Variants in RAPGEF2 observed in about 807,000 individuals in gnomAD.
RAPGEF2 encodes the protein Rap guanine nucleotide exchange factor 2.
RAPGEF2 carries 54 observed loss-of-function variants against 186.7 expected under a neutral mutation model. The ratio of observed to expected loss-of-function variants is 0.29; its 90% CI spans 0.23 to 0.36. The LOEUF (loss-of-function observed/expected upper bound fraction) is 0.36. Among genes scored for constraint, RAPGEF2 ranks in the 10% least tolerant of loss-of-function variants. The pLI, the probability that RAPGEF2 is intolerant of heterozygous loss-of-function variation, is 1.00. For synonymous variants in RAPGEF2, 712 were observed against 705.9 expected (o/e 1.01, Z -0.14); for missense variants, 1,532 against 2,045.0 (o/e 0.75, Z 4.84).
chr4:159,312,645 A>G (rs773973599), intron 8 of RAPGEF2, among the ~76,000 whole-genome samples: 1 of 152,188 alleles, frequency 6.6e-6, no homozygotes, highest in Non-Finnish European at 1.5e-5. Flanking sequence ...ACTTTCATAA[A>G]CATTAGGTTT....
In RAPGEF2 at chr4:159,110,978, A is replaced by G. The variant is rs560154047; in HGVS notation, c.69+6747A>G. Among the ~76,000 whole-genome samples, 5 of 151,938 alleles carry G rather than the reference A, an allele frequency of 3.3e-5. No individual in the cohort carries two copies. In the East Asian group the frequency reaches 9.7e-4, roughly 29 times the overall value. The stretch of plus-strand genomic sequence containing the variant: ...TCATTGTAGGAAGAAAAATAAGTTT[A>G]TTGCCGCATTATTTTGACTTCTAGA... On this transcript the variant is annotated intron_variant, in intron 1 of 29. Coordinates refer to ENST00000691494, the MANE Select transcript of RAPGEF2 (RefSeq NM_001394067.2).
chr4:159,189,394 C>T (rs541374711), intron 2 of RAPGEF2, among the ~76,000 whole-genome samples: 1 of 152,290 alleles, frequency 6.6e-6, no homozygotes, highest in South Asian at 2.1e-4. Flanking sequence ...TATGTTTCTT[C>T]ATCATTTTAA....
chr4:159,256,571 G>A (rs779918860), intron 7 of RAPGEF2, among the ~76,000 whole-genome samples: 24 of 152,190 alleles, frequency 1.6e-4, no homozygotes, highest in Non-Finnish European at 2.6e-4. Flanking sequence ...CCAGTAATGG[G>A]ATTGCTGGGT....
intron 16 of RAPGEF2, among the ~76,000 whole-genome samples, 156 bp downstream of exon 16, chr4:159,332,190 A>T (rs1766770121): frequency 6.6e-6 from 1 of 152,098 alleles, no homozygotes; most frequent in Non-Finnish European, 1.5e-5. Context: ...GTCTTTATTG[A>T]TAACTGAAAT....
chr4:159,238,689 G>A lies in RAPGEF2; in HGVS notation c.282-120G>A, dbSNP rs564723322. On this transcript the variant is annotated intron_variant, in intron 4 of 29. Coordinates refer to ENST00000691494, the MANE Select transcript of RAPGEF2 (RefSeq NM_001394067.2). ...TTAAAGATAATTCACTTTCTCCAAT[G>A]TGTACTTTTTGTAATTGTTTTTAAT... is the stretch of plus-strand genomic sequence containing the variant. 28 of 565,986 alleles carry A rather than the reference G, an allele frequency of 4.9e-5. 1 individual carries two copies. The highest frequency in any genetic ancestry group is 4.6e-4 in the African/African-American group (24 of 52,738). The allele number at this position is 565,986 out of a possible 1,614,324, so 35.1% of individuals were successfully genotyped here.
At chr4:159,309,238 C>T (rs1212743600) in intron 8 of RAPGEF2, among the ~76,000 whole-genome samples, 1 of 152,126 alleles carries the variant, frequency 6.6e-6, no homozygotes, top group Non-Finnish European at 1.5e-5. Context: ...CAGAGTTGTT[C>T]CTTTATAATC....
intron 7 of RAPGEF2, among the ~76,000 whole-genome samples, chr4:159,296,971 ATTAT>A (rs1264442297): frequency 1.3e-5 from 2 of 149,122 alleles, no homozygotes; most frequent in African/African-American, 2.5e-5. Flanking sequence ...ACTAATATTG[ATTAT>A]TTATTTTCCT....
intron 1 of RAPGEF2, among the ~76,000 whole-genome samples, chr4:159,166,928 G>A (rs1460480826): frequency 4.6e-5 from 7 of 152,190 alleles, no homozygotes; most frequent in Non-Finnish European, 1.0e-4. Flanking sequence ...TGATGTGCCT[G>A]TGTAACACAG....
intron 11 of RAPGEF2, 79 bp from the exon 12 acceptor site, chr4:159,329,779 T>C (rs1240361844): frequency 1.6e-6 from 2 of 1,222,782 alleles, no homozygotes; most frequent in East Asian, 4.8e-5. Context: ...TTTTAAATAA[T>C]TAAAACACTG....
chr4:159,164,136 C>T (rs1203974238), intron 1 of RAPGEF2, among the ~76,000 whole-genome samples: 1 of 151,962 alleles, frequency 6.6e-6, no homozygotes, highest in Non-Finnish European at 1.5e-5. Flanking sequence ...TCCTGAGTAG[C>T]TGGGACTACA....
chr4:159,338,551 T>C, intron 18 of RAPGEF2, 83 bp downstream of exon 18: 1 of 1,346,360 alleles, frequency 7.4e-7, no homozygotes. Context: ...TGTATCTCTC[T>C]TCATTTGGCA....
intron 1 of RAPGEF2, among the ~76,000 whole-genome samples, chr4:159,182,282 C>G (rs1212337440): frequency 6.6e-6 from 1 of 150,378 alleles, no homozygotes; most frequent in Non-Finnish European, 1.5e-5. Flanking sequence ...ATTGGAATGA[C>G]TTAAAATTAT....
At chr4:159,226,704 T>G (rs748312992) in intron 4 of RAPGEF2, among the ~76,000 whole-genome samples, 1 of 152,204 alleles carries the variant, frequency 6.6e-6, no homozygotes, top group Non-Finnish European at 1.5e-5. Context: ...TTCATTGTAT[T>G]TATTCCTCAG....
intron 7 of RAPGEF2, among the ~76,000 whole-genome samples, chr4:159,270,983 C>G (rs1270747441): frequency 1.3e-5 from 2 of 152,120 alleles, no homozygotes; most frequent in Non-Finnish European, 2.9e-5. Context: ...GAGGAGGTTG[C>G]TAACATTTCA....
At chr4:159,224,299 A>G (rs1302664308) in intron 4 of RAPGEF2, among the ~76,000 whole-genome samples, 1 of 152,234 alleles carries the variant, frequency 6.6e-6, no homozygotes. Context: ...TATCTATGTC[A>G]GAACATAAAG....
intron 7 of RAPGEF2, among the ~76,000 whole-genome samples, chr4:159,300,927 A>T (rs1391871450): frequency 6.6e-6 from 1 of 152,116 alleles, no homozygotes; most frequent in Non-Finnish European, 1.5e-5. Context: ...GCCTCCTAGA[A>T]ACTCCATTTT....
chr4:159,345,761 A>G (rs1488802905), intron 24 of RAPGEF2, among the ~76,000 whole-genome samples: 1 of 152,072 alleles, frequency 6.6e-6, no homozygotes, highest in Non-Finnish European at 1.5e-5. Context: ...CCGAACAACA[A>G]ATTCAGCTAC....
intron 7 of RAPGEF2, among the ~76,000 whole-genome samples, chr4:159,268,579 G>A (rs1419001903): frequency 1.3e-5 from 2 of 152,098 alleles, no homozygotes; most frequent in Non-Finnish European, 2.9e-5. Context: ...AAAGGTTATT[G>A]AGAACGGGAA....
rs138692217 is a variant in RAPGEF2 at position 159,195,012 on chromosome 4, A to G, written c.197+1756A>G. Among the ~76,000 whole-genome samples, 550 of 152,344 alleles carry G rather than the reference A, an allele frequency of 3.6e-3. 3 individuals carry two copies. The highest frequency in any genetic ancestry group is 0.012 in the African/African-American group (491 of 41,580). On this transcript the variant is annotated intron_variant, in intron 3 of 29. Transcript: ENST00000691494. ...GGAGGAGTCAGGGATGTTGGATTTTAGAAGAAGATACAGGTAGATAGAATC... is the reference window on the plus strand; with the variant it reads ...GGAGGAGTCAGGGATGTTGGATTTTGGAAGAAGATACAGGTAGATAGAATC...
Sources: allele counts gnomAD v4.1 joint callset (sites outside exome capture counted in the v4.1 genomes callset), GRCh38; gene constraint gnomAD v4.1.1; transcripts MANE v1.5; gene names NCBI Gene and HGNC (gene_info 2026-07-23, HGNC 2026-07-21).